The following SHC4 variants were observed in gnomAD, a reference collection of about 807,000 sequenced individuals.
The protein encoded by SHC4 is SHC-transforming protein 4.
Under a neutral mutation model 69.4 loss-of-function variants are expected in SHC4, and 41 were observed. That is an observed-to-expected ratio of 0.59 (90% confidence interval 0.46 to 0.77). The LOEUF (loss-of-function observed/expected upper bound fraction) is 0.77. Ranked by LOEUF, SHC4 falls within the 30% of genes least tolerant of loss-of-function variation. The pLI, the probability that SHC4 is intolerant of heterozygous loss-of-function variation, is 0.00. For synonymous variants in SHC4, 318 were observed against 299.3 expected, an observed-to-expected ratio of 1.06 and a Z score of -0.64; for missense variants, 777 against 783.8, an observed-to-expected ratio of 0.99 and a Z score of 0.10.
chr15:48,925,033 C>A, intron 1 of SHC4, 84 bp from the exon 2 acceptor site: 1 of 1,391,390 alleles, frequency 7.2e-7, no homozygotes, highest in East Asian at 2.3e-5. Flanking sequence ...TCCTGGGAAG[C>A]ACCTAAAATC....
chr15:48,904,736 A>G (rs186401942), intron 2 of SHC4, among the ~76,000 whole-genome samples: 5 of 151,850 alleles, frequency 3.3e-5, no homozygotes, highest in African/African-American at 1.2e-4. Flanking sequence ...AAAAAATGTA[A>G]TTAGCCAAAT....
In SHC4 at chr15:48,866,324, A is replaced by G. The variant is rs1358382140; in HGVS notation, c.946+1494T>C. 5.9e-5 allele frequency among the ~76,000 whole-genome samples: 9 copies of G among 152,182 alleles called. No homozygotes were observed. In the East Asian group the frequency reaches 1.7e-3, roughly 29 times the overall value. On this transcript the variant is annotated intron_variant, in intron 6 of 11. Coordinates refer to ENST00000332408, the MANE Select transcript of SHC4 (RefSeq NM_203349.4). ...GATTCATTCTTCTTATTTAGTTTAG[A>G]GTGGGTCAGTTTTAATGGAGTATTT...
intron 11 of SHC4, among the ~76,000 whole-genome samples, chr15:48,833,995 T>C (rs539689931): frequency 6.6e-6 from 1 of 152,322 alleles, no homozygotes; most frequent in Non-Finnish European, 1.5e-5. Flanking sequence ...GGGCTGGGAC[T>C]TCCTATTCTG....
chr15:48,924,861 C>T lies in SHC4; in HGVS notation c.656+18G>A, dbSNP rs752309536. 8.7e-6 allele frequency: 14 copies of T among 1,613,396 alleles called. No individual in the cohort carries two copies. The East Asian group carries it at 2.2e-4, about 26-fold the overall frequency. On this transcript the variant is annotated intron_variant, in intron 2 of 11. Coordinates refer to ENST00000332408, the MANE Select transcript of SHC4 (RefSeq NM_203349.4). The stretch of plus-strand genomic sequence containing the variant: ...TAAACCATACTCCTCAAAGCCCCTC[C>T]CATTTTTGGCTTCTTACCTTGTAAC...
intron 2 of SHC4, among the ~76,000 whole-genome samples, chr15:48,909,549 T>G (rs1263449447): frequency 6.6e-6 from 1 of 152,184 alleles, no homozygotes. Flanking sequence ...TGTTTATTTC[T>G]TTCTCTTGTC....
At chr15:48,826,251 TAC>T in intron 11 of SHC4, 125 bp from the exon 12 acceptor site, 2 of 917,534 alleles carry the variant, frequency 2.2e-6, no homozygotes, top group Non-Finnish European at 3.1e-6. Flanking sequence ...AAAGAAAAGG[TAC>T]TTTTTTTTTT....
intron 1 of SHC4, among the ~76,000 whole-genome samples, chr15:48,954,124 G>A (rs1292746620): frequency 1.3e-5 from 2 of 152,116 alleles, no homozygotes; most frequent in East Asian, 1.9e-4. Context: ...CTGATGTGTT[G>A]GACCTCACAA....
At chr15:48,880,489 T>C (rs1899919825) in intron 4 of SHC4, among the ~76,000 whole-genome samples, 1 of 152,130 alleles carries the variant, frequency 6.6e-6, no homozygotes, top group Admixed American at 6.5e-5. Flanking sequence ...TCCAGATCTT[T>C]ATCTTTACCA....
At chr15:48,956,854 T>A (rs1435314878) in intron 1 of SHC4, among the ~76,000 whole-genome samples, 1 of 152,174 alleles carries the variant, frequency 6.6e-6, no homozygotes, top group Admixed American at 6.5e-5. Flanking sequence ...CCAAAAGAGA[T>A]CCTAATAATA....
At chr15:48,906,122 C>T (rs1282098044) in intron 2 of SHC4, among the ~76,000 whole-genome samples, 1 of 152,100 alleles carries the variant, frequency 6.6e-6, no homozygotes, top group Admixed American at 6.5e-5. Context: ...AAACAATGCC[C>T]TAAGTCCTAT....
At chr15:48,897,508 C>CCACA (rs57034071) in intron 2 of SHC4, among the ~76,000 whole-genome samples, 128 of 142,984 alleles carry the variant, frequency 9.0e-4, no homozygotes, top group African/African-American at 1.9e-3. Context: ...AGCAATGTCG[C>CCACA]CACACACACA....
At chr15:48,841,090 AT>A (rs1373839915) in intron 10 of SHC4, among the ~76,000 whole-genome samples, 13 of 152,332 alleles carry the variant, frequency 8.5e-5, no homozygotes, top group African/African-American at 2.9e-4. Flanking sequence ...TGCTTGGATT[AT>A]GAATAATTTT....
At chr15:48,872,032 CA>C in intron 5 of SHC4, 56 bp downstream of exon 5, 2 of 1,088,060 alleles carry the variant, frequency 1.8e-6, no homozygotes, top group Admixed American at 4.1e-5. Flanking sequence ...CATCCAGCCC[CA>C]AATGTCAAGA....
At position 48,824,597 on chromosome 15, in the gene SHC4, G is replaced by A. The variant is rs1050564786; in HGVS notation, c.*1374C>T. 6.6e-6 allele frequency: 1 copy of A among 152,110 alleles called. No individual in the cohort carries two copies. Among genetic ancestry groups the A allele is most frequent in the African/African-American group, 2.4e-5 (1 of 41,412 alleles). The allele number at this position is 152,110 out of a possible 1,614,324, so 9.4% of individuals were successfully genotyped here. ...TGATCTCAGGTGTGCCATTCATTCT[G>A]TGAGTATGGACACAGACTATAGAAG... On this transcript the variant is annotated 3_prime_UTR_variant, in exon 12 of 12. Coordinates refer to ENST00000332408, the MANE Select transcript of SHC4 (RefSeq NM_203349.4).
intron 2 of SHC4, among the ~76,000 whole-genome samples, chr15:48,915,847 T>C (rs540207809): frequency 1.3e-5 from 2 of 152,294 alleles, no homozygotes; most frequent in African/African-American, 4.8e-5. Context: ...TCCTTAGCAC[T>C]CTTCTCAGTA....
intron 1 of SHC4, among the ~76,000 whole-genome samples, chr15:48,949,190 T>G (rs1040783231): frequency 2.0e-5 from 3 of 151,400 alleles, no homozygotes; most frequent in Non-Finnish European, 4.4e-5. Flanking sequence ...GCTAACACGG[T>G]GAAACTCCGT....
chr15:48,944,864 A>T (rs577117963), intron 1 of SHC4, among the ~76,000 whole-genome samples: 51 of 152,326 alleles, frequency 3.3e-4, no homozygotes, highest in African/African-American at 1.2e-3. Context: ...TTTAATCCCC[A>T]TTATCTGAAA....
At chr15:48,893,265 T>C (rs186310481) in intron 2 of SHC4, among the ~76,000 whole-genome samples, 1 of 152,252 alleles carries the variant, frequency 6.6e-6, no homozygotes, top group East Asian at 1.9e-4. Context: ...AGTATCATGA[T>C]ATGAGGGGAA....
intron 4 of SHC4, chr15:48,877,183 A>C (rs1387856321): frequency 6.5e-6 from 1 of 153,946 alleles, no homozygotes; most frequent in African/African-American, 2.4e-5. Flanking sequence ...CAGCAACCAA[A>C]ATGAGATTAC....
Sources: gnomAD v4.1 joint callset for allele counts (sites outside exome capture counted in the v4.1 genomes callset) on GRCh38, gnomAD v4.1.1 for gene constraint, MANE v1.5 for transcripts, NCBI Gene and HGNC (gene_info 2026-07-23, HGNC 2026-07-21) for gene names.